The following PCDH15 variants were observed in gnomAD, a reference collection of about 807,000 sequenced individuals.
PCDH15 encodes the protein protocadherin related 15, also known as protocadherin-15.
PCDH15 carries 129 observed loss-of-function variants against 178.5 expected under a neutral mutation model. The ratio of observed to expected loss-of-function variants is 0.72; its 90% CI spans 0.63 to 0.84. The LOEUF is 0.84. PCDH15 is among the 40% of genes least tolerant of loss of function. PCDH15 has a pLI of 0.00. For missense variants in PCDH15, 2,230 were observed against 2,099.9 expected, an observed-to-expected ratio of 1.06 and a Z score of -1.21; for synonymous variants, 800 against 732.0, an observed-to-expected ratio of 1.09 and a Z score of -1.50.
chr10:55,327,177 G>T (rs753672976), intron 2 of PCDH15, among the ~76,000 whole-genome samples: 42 of 151,980 alleles, frequency 2.8e-4, no homozygotes, highest in Non-Finnish European at 5.7e-4. Flanking sequence ...CAATATATCT[G>T]GCCCCTTCTG....
At chr10:54,191,664 A>G (rs1416835326) in intron 11 of PCDH15, among the ~76,000 whole-genome samples, 1 of 151,014 alleles carries the variant, frequency 6.6e-6, no homozygotes, top group East Asian at 1.9e-4. Flanking sequence ...ATGCCTGTAA[A>G]CCCGAGCAAG....
intron 2 of PCDH15, among the ~76,000 whole-genome samples, chr10:55,472,618 G>T (rs551670593): frequency 1.3e-5 from 2 of 152,246 alleles, no homozygotes; most frequent in East Asian, 3.9e-4. Flanking sequence ...GCCCAGGCTG[G>T]AGTGCAGTGG....
intron 1 of PCDH15, among the ~76,000 whole-genome samples, chr10:55,172,289 T>G (rs1277719177): frequency 5.3e-5 from 8 of 151,958 alleles, no homozygotes; most frequent in Non-Finnish European, 1.2e-4. Context: ...TTCTTAAACG[T>G]AAGTACTCCT....
intron 36 of PCDH15, 133 bp from the exon 37 acceptor site, chr10:53,810,797 T>C (rs1471869751): frequency 1.2e-6 from 1 of 800,428 alleles, no homozygotes; most frequent in Non-Finnish European, 2.1e-6. Flanking sequence ...TCAGGCTCCT[T>C]GTAAACTAGT....
chr10:54,891,041 C>T (rs1211732596), intron 3 of PCDH15, among the ~76,000 whole-genome samples: 1 of 152,044 alleles, frequency 6.6e-6, no homozygotes, highest in East Asian at 1.9e-4. Context: ...GGAACATTAT[C>T]TCATGTTGGA....
At chr10:54,459,616 AG>A (rs1313638276) in intron 3 of PCDH15, among the ~76,000 whole-genome samples, 3 of 152,144 alleles carry the variant, frequency 2.0e-5, no homozygotes, top group African/African-American at 7.2e-5. Flanking sequence ...TGAGGATATT[AG>A]AAAAAGACAG....
intron 2 of PCDH15, among the ~76,000 whole-genome samples, chr10:55,336,146 A>AC (rs1222165028): frequency 9.4e-5 from 14 of 149,690 alleles, no homozygotes; most frequent in Admixed American, 9.3e-4. Context: ...AAAAAAAAAA[A>AC]AAAAAAAACA....
intron 2 of PCDH15, among the ~76,000 whole-genome samples, chr10:55,405,375 A>G (rs1311590418): frequency 1.3e-5 from 2 of 148,594 alleles, no homozygotes; most frequent in African/African-American, 4.9e-5. Context: ...ATCTTTATCT[A>G]TGAAAGACTT....
intron 3 of PCDH15, among the ~76,000 whole-genome samples, chr10:54,424,264 A>G (rs1565238153): frequency 6.6e-6 from 1 of 151,904 alleles, no homozygotes; most frequent in Non-Finnish European, 1.5e-5. Flanking sequence ...AAAAAATGCT[A>G]TCATCACTGG....
intron 2 of PCDH15, among the ~76,000 whole-genome samples, chr10:55,516,415 C>T (rs1370590241): frequency 3.9e-5 from 6 of 152,096 alleles, no homozygotes; most frequent in South Asian, 4.1e-4. Flanking sequence ...TCGAGCATGT[C>T]TTCATCAGCA....
chr10:54,885,023 T>G (rs1411309292), intron 3 of PCDH15, among the ~76,000 whole-genome samples: 4 of 152,086 alleles, frequency 2.6e-5, no homozygotes, highest in Non-Finnish European at 1.5e-5. Context: ...ATTTGTTAAT[T>G]TAGTCTCTTC....
At chr10:53,862,978 A>G (rs1342375588) in intron 27 of PCDH15, among the ~76,000 whole-genome samples, 1 of 152,156 alleles carries the variant, frequency 6.6e-6, no homozygotes, top group Non-Finnish European at 1.5e-5. Context: ...TGCCTAAGGA[A>G]CTCAAAGTGA....
intron 15 of PCDH15, 144 bp downstream of exon 15, chr10:54,132,731 T>TTTCCAGA: frequency 7.1e-7 from 1 of 1,406,774 alleles, no homozygotes; most frequent in Non-Finnish European, 9.7e-7. Context: ...CTTGCTTTCC[T>TTTCCAGA]TTCCAGATGG....
intron 18 of PCDH15, among the ~76,000 whole-genome samples, chr10:54,063,818 G>T (rs772430341): frequency 6.6e-6 from 1 of 152,140 alleles, no homozygotes; most frequent in Non-Finnish European, 1.5e-5. Flanking sequence ...AGCTCCAGCC[G>T]CCCTCTCCCA....
chr10:53,866,184 CCAAA>C (rs1443884257), intron 27 of PCDH15, among the ~76,000 whole-genome samples: 1 of 151,918 alleles, frequency 6.6e-6, no homozygotes, highest in African/African-American at 2.4e-5. Context: ...AAATTTGTCC[CCAAA>C]CATTTTCTTT....
intron 2 of PCDH15, among the ~76,000 whole-genome samples, chr10:55,358,944 C>G (rs2218583): frequency 0.56 from 84,730 of 151,870 alleles, 24,380 homozygotes; most frequent in African/African-American, 0.69. Context: ...GTAGTCCCAG[C>G]GCTTTAAGAG....
At chr10:54,317,761 G>A (rs1282895887) in intron 7 of PCDH15, among the ~76,000 whole-genome samples, 1 of 151,776 alleles carries the variant, frequency 6.6e-6, no homozygotes, top group Non-Finnish European at 1.5e-5. Flanking sequence ...GACAGAGTGA[G>A]ACTCAGTCTC....
chr10:54,004,230 A>G (rs2092298035), intron 20 of PCDH15, among the ~76,000 whole-genome samples: 1 of 152,084 alleles, frequency 6.6e-6, no homozygotes, highest in African/African-American at 2.4e-5. Context: ...CTGGGACACA[A>G]CCAGGATGCC....
intron 8 of PCDH15, among the ~76,000 whole-genome samples, chr10:54,307,077 T>C (rs545859236): frequency 0.015 from 141 of 9,678 alleles, 6 homozygotes; most frequent in East Asian, 0.033. Context: ...TATATATATA[T>C]ATACATATAT....
Sources: allele counts gnomAD v4.1 joint callset (sites outside exome capture counted in the v4.1 genomes callset), GRCh38; gene constraint gnomAD v4.1.1; transcripts MANE v1.5; gene names NCBI Gene and HGNC (gene_info 2026-07-23, HGNC 2026-07-21).